Variants in ADGRF1 observed in about 807,000 individuals in gnomAD.
The protein encoded by ADGRF1 is adhesion G protein-coupled receptor F1, also known as G protein-coupled receptor 110.
In ADGRF1, 85 loss-of-function variants were observed where a neutral mutation model predicts 87.2. The ratio of observed to expected loss-of-function variants is 0.97; its 90% CI spans 0.82 to 1.17. The LOEUF is 1.17. Ranked by LOEUF, ADGRF1 falls within the 50% of genes most tolerant of loss-of-function variation. The probability of loss-of-function intolerance (pLI) is 0.00; values close to 1 mark genes in which losing one functional copy is unlikely to be tolerated. For synonymous variants in ADGRF1, 430 were observed against 408.8 expected, an observed-to-expected ratio of 1.05 and a Z score of -0.63; for missense variants, 1,169 against 1,077.2, an observed-to-expected ratio of 1.09 and a Z score of -1.19.
chr6:47,037,476 C>T (rs1372843319), intron 1 of ADGRF1, among the ~76,000 whole-genome samples: 1 of 152,094 alleles, frequency 6.6e-6, no homozygotes, highest in East Asian at 1.9e-4. Flanking sequence ...ACCTGTTAAT[C>T]TTTTCCATTA....
At chr6:47,015,908 T>C (rs953562574) in intron 8 of ADGRF1, among the ~76,000 whole-genome samples, 1 of 152,074 alleles carries the variant, frequency 6.6e-6, no homozygotes, top group Non-Finnish European at 1.5e-5. Flanking sequence ...TGGCTAATTT[T>C]TGTATTTTTA....
At chr6:47,040,365 G>A (rs10214704) in intron 1 of ADGRF1, among the ~76,000 whole-genome samples, 7,999 of 152,038 alleles carry the variant, frequency 0.053, 246 homozygotes, top group African/African-American at 0.085. Context: ...CCAGCTACTC[G>A]GGAGGCTGAG....
rs377018641 is a variant in ADGRF1 at position 47,029,047 on chromosome 6, C to A, written c.15G>T (p.Val5=). The A allele has an allele frequency of 3.7e-6, 6 of 1,614,090 alleles. No individual in the cohort carries two copies. Among genetic ancestry groups the A allele is most frequent in the Non-Finnish European group, 5.1e-6 (6 of 1,179,974 alleles). The part of the protein sequence containing the change: MKVG[V]LWLISFFTFT... ...AGGTGAAGAAAGAAATGAGCCACAG[C>A]ACTCCAACTTTCATTTTCCCTGGAC... The change falls in exon 2 of 15, where the codon GTG becomes GTT. Residue 5 remains valine (V), a synonymous_variant. Coordinates refer to ENST00000371253, the MANE Select transcript of ADGRF1 (RefSeq NM_153840.4).
At position 47,029,026 on chromosome 6, in the gene ADGRF1, G is replaced by A. The variant is rs1388263770; in HGVS notation, c.36C>T (p.Phe12=). 1.2e-6 allele frequency: 2 copies of A among 1,614,144 alleles called. No individual in the cohort carries two copies. Among genetic ancestry groups the A allele is most frequent in the Admixed American group, 1.7e-5 (1 of 60,022 alleles). The part of the protein sequence containing the change: ...KVGVLWLISF[F]TFTDGHGGFL... ...AGCCACCGTGGCCGTCAGTGAAGGTGAAGAAAGAAATGAGCCACAGCACTC... is the reference window on the plus strand; with the variant it reads ...AGCCACCGTGGCCGTCAGTGAAGGTAAAGAAAGAAATGAGCCACAGCACTC... The change falls in exon 2 of 15, where the codon TTC becomes TTT. Residue 12 remains phenylalanine (F), a synonymous_variant. Coordinates refer to ENST00000371253, the MANE Select transcript of ADGRF1 (RefSeq NM_153840.4).
chr6:47,034,145 C>T (rs1240497383), intron 1 of ADGRF1, among the ~76,000 whole-genome samples: 1 of 152,136 alleles, frequency 6.6e-6, no homozygotes, highest in Non-Finnish European at 1.5e-5. Context: ...AAAGTTAAAA[C>T]TCTGTGGGCT....
intron 2 of ADGRF1, among the ~76,000 whole-genome samples, chr6:47,028,413 G>C (rs1270504806): frequency 6.6e-6 from 1 of 152,220 alleles, no homozygotes; most frequent in East Asian, 1.9e-4. Context: ...TAAGTAGCTG[G>C]AAAGATAGTG....
chr6:47,004,862 C>T (rs1028935523), intron 13 of ADGRF1, among the ~76,000 whole-genome samples: 29 of 152,290 alleles, frequency 1.9e-4, no homozygotes, highest in African/African-American at 6.5e-4. Context: ...CAATTGGTTA[C>T]GGAGTCAGAA....
chr6:47,009,584 GC>G lies in ADGRF1; in HGVS notation c.1850del (p.Ser617ThrfsTer12), dbSNP rs760997937. On this transcript the variant is annotated frameshift_variant, in exon 11 of 15. Coordinates refer to ENST00000371253, the MANE Select transcript of ADGRF1 (RefSeq NM_153840.4). LOFTEE classifies it high-confidence loss of function. ...EALFWKQIKK[S>X]QTSHTRRICM... ...AAATACGACGTGTGTGAGAGGTTTG[GC>G]TTTTTTTAATCTGCTTCCAAAACAA... 6 of 1,614,024 alleles carry G rather than the reference GC, an allele frequency of 3.7e-6. No homozygotes were observed. In the Admixed American group the frequency reaches 6.7e-5, roughly 18 times the overall value.
In ADGRF1 at chr6:47,012,007, C is replaced by G. The variant is rs1779721369; in HGVS notation, c.1116G>C (p.Glu372Asp). The G allele has an allele frequency of 1.2e-6, 2 of 1,612,428 alleles. No individual in the cohort carries two copies. The highest frequency in any genetic ancestry group is 1.7e-6 in the Non-Finnish European group (2 of 1,178,820). The change falls in exon 10 of 15, where the codon GAG becomes GAC. Residue 372 changes from glutamate (E) to aspartate (D), a missense_variant and splice_region_variant. Glu to Asp is a conservative substitution (Grantham distance 45). Transcript: ENST00000371253. ...SHFRVSNSTM[E>D]DVISIADNIL... ...CCCTTCAAGCACAGGCAGACCATAC[C>G]TCCATTGTTGAATTGGACACCCTGA...
intron 14 of ADGRF1, among the ~76,000 whole-genome samples, 189 bp downstream of exon 14, chr6:47,001,312 A>G (rs1166441454): frequency 6.6e-6 from 1 of 152,246 alleles, no homozygotes; most frequent in African/African-American, 2.4e-5. Context: ...GTTCTCCATG[A>G]GCATCAAGTC....
intron 13 of ADGRF1, chr6:47,001,785 C>T: frequency 2.3e-6 from 1 of 442,846 alleles, no homozygotes; most frequent in South Asian, 2.8e-5. Context: ...TGCTGTGTTC[C>T]TGTGTATTTT....
intron 1 of ADGRF1, among the ~76,000 whole-genome samples, chr6:47,034,823 C>A (rs2113909430): frequency 6.6e-6 from 1 of 152,330 alleles, no homozygotes; most frequent in African/African-American, 2.4e-5. Context: ...TGATCCTTTT[C>A]CATCCCAGAA....
Position 47,009,432 on chromosome 6 carries a change from TAG to T in ADGRF1, c.2001_2002del (p.Phe667LeufsTer57), listed in dbSNP as rs772726495. 1 of 1,613,172 alleles carries T rather than the reference TAG, an allele frequency of 6.2e-7. No homozygotes were observed. The highest frequency in any genetic ancestry group is 1.1e-5 in the South Asian group (1 of 90,976). Reference sequence around the variant, plus strand: ...GAGCATCCAGAAGAACAAAGAGAGGTAGAAGAAGTGTGTAAAGAACACAGCAG... The same window carrying T: ...GAGCATCCAGAAGAACAAAGAGAGGTAAGAAGTGTGTAAAGAACACAGCAG... On this transcript the variant is annotated frameshift_variant, in exon 11 of 15. Coordinates refer to ENST00000371253, the MANE Select transcript of ADGRF1 (RefSeq NM_153840.4). LOFTEE classifies it high-confidence loss of function.
chr6:47,001,781 G>C, intron 13 of ADGRF1: 1 of 451,506 alleles, frequency 2.2e-6, no homozygotes, highest in East Asian at 4.1e-5. Context: ...TGAATGCTGT[G>C]TTCCTGTGTA....
Position 47,009,974 on chromosome 6 carries a change from CAG to C in ADGRF1, c.1459_1460del (p.Leu487GlyfsTer30). 2 of 1,614,118 alleles carry C rather than the reference CAG, an allele frequency of 1.2e-6. No individual in the cohort carries two copies. Among genetic ancestry groups the C allele is most frequent in the East Asian group, 4.5e-5 (2 of 44,878 alleles). On this transcript the variant is annotated frameshift_variant, in exon 11 of 15. Coordinates refer to ENST00000371253, the MANE Select transcript of ADGRF1 (RefSeq NM_153840.4). LOFTEE classifies it high-confidence loss of function. ...ETIISMASLT[L>X]GNILPVSKNG... ...TTTTGGAAACGGGTAGAATGTTCCC[CAG>C]AGTCAACGAGGCCATGCTGATAATA...
At chr6:47,020,297 A>T in intron 7 of ADGRF1, 1 of 1,047,028 alleles carries the variant, frequency 9.6e-7, no homozygotes, top group Admixed American at 3.5e-5. Flanking sequence ...GTTTGAGACC[A>T]GTGTGGCCAA....
rs770162717 is a variant in ADGRF1 at position 47,009,926 on chromosome 6, T to C, written c.1509A>G (p.Gly503=). The C allele has an allele frequency of 1.2e-6, 2 of 1,614,108 alleles. No homozygotes were observed. The highest frequency in any genetic ancestry group is 2.2e-5 in the South Asian group (2 of 91,076). ...TTTGAATAACCGTGGATATCACAGG[T>C]CCATTGACCTGAGCATTTCCATTTT... ...VSKNGNAQVN[G]PVISTVIQNY... Residue 503 remains glycine (G), a synonymous_variant, in exon 11 of 15, where the codon GGA becomes GGG. Transcript: ENST00000371253.
At position 47,029,167 on chromosome 6, in the gene ADGRF1, A is replaced by G. The variant is rs928767290; in HGVS notation, c.-43-63T>C. 3 of 891,926 alleles carry G rather than the reference A, an allele frequency of 3.4e-6. No homozygotes were observed. The African/African-American group carries it at 4.9e-5, about 15-fold the overall frequency. 55.3% of individuals were successfully genotyped at this position (891,926 alleles called of 1,614,324 possible). On this transcript the variant is annotated intron_variant, in intron 1 of 14. Transcript: ENST00000371253. ...AAACAAGAAATTCAAGCCAAAATGT[A>G]AAAATGCACAAAGTGGTAAGGCCTC...
rs1233190114 is a variant in ADGRF1 at position 47,021,916 on chromosome 6, T to G, written c.552+42A>C. ...TGAATTGAAAACATTTGAACTTGAG[T>G]GTAGCAAACGATTCCTTATATAATA... is the stretch of plus-strand genomic sequence containing the variant. On this transcript the variant is annotated intron_variant, in intron 6 of 14. Coordinates refer to ENST00000371253, the MANE Select transcript of ADGRF1 (RefSeq NM_153840.4). 9 of 1,032,126 alleles carry G rather than the reference T, an allele frequency of 8.7e-6. No individual in the cohort carries two copies. The Admixed American group carries it at 1.9e-4, about 21-fold the overall frequency. The allele number at this position is 1,032,126 out of a possible 1,614,324, so 63.9% of individuals were successfully genotyped here.
Sources: allele counts gnomAD v4.1 joint callset (sites outside exome capture counted in the v4.1 genomes callset), GRCh38; gene constraint gnomAD v4.1.1; transcripts MANE v1.5; gene names NCBI Gene and HGNC (gene_info 2026-07-23, HGNC 2026-07-21).